Variants in SEC31A observed in about 807,000 individuals in gnomAD.
SEC31A encodes the protein protein transport protein Sec31A.
A neutral mutation model predicts 151.0 loss-of-function variants in SEC31A; 70 were observed. The ratio of observed to expected loss-of-function variants is 0.46; its 90% confidence interval spans 0.38 to 0.57. The LOEUF is 0.57. Ranked by LOEUF, SEC31A falls within the 20% of genes least tolerant of loss-of-function variation. SEC31A has a pLI of 0.00. For missense variants in SEC31A, 1,330 were observed against 1,471.2 expected (o/e 0.90, Z 1.57); for synonymous variants, 475 against 505.9 (o/e 0.94, Z 0.82).
intron 6 of SEC31A, among the ~76,000 whole-genome samples, chr4:82,874,097 A>C (rs1488590170): frequency 2.0e-5 from 3 of 152,180 alleles, no homozygotes; most frequent in Non-Finnish European, 4.4e-5. Flanking sequence ...CAGGAGTTTG[A>C]GACCAGCCAG....
At chr4:82,870,460 T>A (rs1185574197) in intron 7 of SEC31A, 36 bp from the exon 8 acceptor site, 1 of 1,532,416 alleles carries the variant, frequency 6.5e-7, no homozygotes, top group Non-Finnish European at 9.0e-7. Flanking sequence ...AAATTTTTAA[T>A]CTTGAGAAAA....
chr4:82,892,544 A>G (rs139670928), upstream of SEC31A, among the ~76,000 whole-genome samples: 4 of 152,332 alleles, frequency 2.6e-5, no homozygotes, highest in East Asian at 7.7e-4. Context: ...TTTGTTGACC[A>G]ATTACCTCTT....
intron 14 of SEC31A, 151 bp from the exon 15 acceptor site, chr4:82,857,915 G>GATCT (rs1245084882): frequency 1.9e-6 from 1 of 532,978 alleles, no homozygotes; most frequent in Admixed American, 3.3e-5. Flanking sequence ...TTACAACTAA[G>GATCT]ATCTATGCCT....
At position 82,864,663 on chromosome 4, in the gene SEC31A, A is replaced by G. The variant is rs1311876300; in HGVS notation, c.1198-65T>C. On this transcript the variant is annotated intron_variant, in intron 10 of 26. Coordinates refer to ENST00000395310, the MANE Select transcript of SEC31A (RefSeq NM_001077207.4). ...GGATATGGCCAAAAAAAGTGCTTAT[A>G]AAGTGGCCTAAACAGATAATCTGGA... is the stretch of plus-strand genomic sequence containing the variant. 3.0e-6 allele frequency: 4 copies of G among 1,323,516 alleles called. No homozygotes were observed. In the African/African-American group the frequency reaches 4.3e-5, roughly 14 times the overall value. 82.0% of individuals were successfully genotyped at this position (1,323,516 alleles called of 1,614,324 possible).
intron 25 of SEC31A, among the ~76,000 whole-genome samples, chr4:82,821,814 G>A (rs1723426249): frequency 6.6e-6 from 1 of 152,120 alleles, no homozygotes; most frequent in Non-Finnish European, 1.5e-5. Context: ...AGTAGTTATT[G>A]TCGATTATGG....
chr4:82,824,792 C>A, intron 24 of SEC31A, 118 bp from the exon 25 acceptor site: 1 of 1,113,578 alleles, frequency 9.0e-7, no homozygotes, highest in Non-Finnish European at 1.2e-6. Flanking sequence ...TATTCAAAAT[C>A]AAATTAAAAT....
chr4:82,892,511 C>G (rs1359006388), upstream of SEC31A, among the ~76,000 whole-genome samples: 1 of 152,230 alleles, frequency 6.6e-6, no homozygotes, highest in Admixed American at 6.5e-5. Flanking sequence ...CCAGCATTAT[C>G]ACTTTTCTTT....
chr4:82,854,853 A>AT (rs1015433151), intron 17 of SEC31A, 50 bp downstream of exon 17: 2 of 1,511,878 alleles, frequency 1.3e-6, no homozygotes, highest in African/African-American at 2.8e-5. Flanking sequence ...TATTTACAAT[A>AT]TACCCTGCCA....
chr4:82,824,474 G>C, intron 25 of SEC31A, 81 bp downstream of exon 25: 1 of 1,484,562 alleles, frequency 6.7e-7, no homozygotes, highest in East Asian at 2.3e-5. Context: ...CAAAGTGCTG[G>C]GATTACACGC....
chr4:82,837,199 A>ATATATATAGATATATAT (rs56888042), intron 22 of SEC31A, among the ~76,000 whole-genome samples: 2 of 83,132 alleles, frequency 2.4e-5, no homozygotes, highest in African/African-American at 3.9e-5. Context: ...ATATATATAT[A>ATATATATAGATATATAT]ATTTCACCAC....
At chr4:82,857,167 G>C in intron 15 of SEC31A, 37 bp from the exon 16 acceptor site, 2 of 1,581,818 alleles carry the variant, frequency 1.3e-6, no homozygotes, top group East Asian at 4.5e-5. Context: ...GTTAAATAGA[G>C]TTTTTGTTAC....
At chr4:82,866,758 G>A (rs1257844325) in intron 10 of SEC31A, 50 bp downstream of exon 10, 2 of 1,507,984 alleles carry the variant, frequency 1.3e-6, no homozygotes, top group African/African-American at 1.4e-5. Flanking sequence ...TAACACTTTG[G>A]TATAAAAAGT....
At chr4:82,880,981 T>C in intron 2 of SEC31A, 59 bp from the exon 3 acceptor site, 2 of 1,437,470 alleles carry the variant, frequency 1.4e-6, no homozygotes, top group Non-Finnish European at 9.6e-7. Flanking sequence ...AGAGAAACCA[T>C]ACAAAACAGA....
chr4:82,879,087 T>A (rs550570886), intron 3 of SEC31A, among the ~76,000 whole-genome samples, 159 bp from the exon 4 acceptor site: 12 of 152,372 alleles, frequency 7.9e-5, no homozygotes, highest in African/African-American at 2.9e-4. Flanking sequence ...GGTGTAATAG[T>A]ATTTCATTTT....
intron 17 of SEC31A, 99 bp downstream of exon 17, chr4:82,854,804 G>A (rs1475492995): frequency 3.2e-6 from 4 of 1,233,690 alleles, no homozygotes; most frequent in African/African-American, 3.2e-5. Flanking sequence ...GTGATTTGTA[G>A]ATTTTAAAAA....
At chr4:82,896,469 T>C (rs1417128140) in intron 3 of SEC31A, among the ~76,000 whole-genome samples, 1 of 152,136 alleles carries the variant, frequency 6.6e-6, no homozygotes, top group East Asian at 1.9e-4. Flanking sequence ...TCACCTGCCT[T>C]AGCCTTTCAA....
intron 24 of SEC31A, among the ~76,000 whole-genome samples, chr4:82,826,000 G>A (rs1299164405): frequency 6.6e-6 from 1 of 152,198 alleles, no homozygotes; most frequent in South Asian, 2.1e-4. Context: ...CTAAGTTTGG[G>A]AGGAAGAGTA....
chr4:82,827,028 T>C (rs1419217211), intron 24 of SEC31A, among the ~76,000 whole-genome samples: 3 of 152,250 alleles, frequency 2.0e-5, no homozygotes, highest in Admixed American at 6.5e-5. Context: ...ACTATATTTT[T>C]CTTTTCTATT....
At position 82,842,216 on chromosome 4, in the gene SEC31A, AGAT is replaced by A. The variant is rs1239193617; in HGVS notation, c.2889_2891del (p.Ser965del). The A allele has an allele frequency of 2.5e-6, 4 of 1,612,180 alleles. No individual in the cohort carries two copies. The highest frequency in any genetic ancestry group is 3.4e-6 in the Non-Finnish European group (4 of 1,178,786). ...TTCCAGGAGGCAGTGCATAAGCTGAAGATGATGGTGGAGCTCCTGGTCCGCCAT... is the reference window on the plus strand; with the variant it reads ...TTCCAGGAGGCAGTGCATAAGCTGAAGATGGTGGAGCTCCTGGTCCGCCAT... On this transcript the variant is annotated inframe_deletion, in exon 22 of 27. Transcript: ENST00000395310.
Sources: allele counts gnomAD v4.1 joint callset (sites outside exome capture counted in the v4.1 genomes callset), GRCh38; gene constraint gnomAD v4.1.1; transcripts MANE v1.5; gene names NCBI Gene and HGNC (gene_info 2026-07-23, HGNC 2026-07-21).